The following ZNF595 variants were observed in gnomAD, a reference collection of about 807,000 sequenced individuals.
The protein encoded by ZNF595 is zinc finger protein 595.
ZNF595 carries 9 observed loss-of-function variants against 19.4 expected under a neutral mutation model. That is an observed-to-expected ratio of 0.46 (90% CI 0.28 to 0.81). ZNF595 has a LOEUF of 0.81. Among genes scored for constraint, ZNF595 ranks in the 30% least tolerant of loss-of-function variants. The pLI, the probability that ZNF595 is intolerant of heterozygous loss-of-function variation, is 0.11. For missense variants in ZNF595, 729 were observed against 736.0 expected (o/e 0.99, Z 0.11); for synonymous variants, 255 against 255.9 (o/e 1.00, Z 0.03).
At chr4:75,150 C>T (rs1713595769) in intron 3 of ZNF595, among the ~76,000 whole-genome samples, 1 of 152,066 alleles carries the variant, frequency 6.6e-6, no homozygotes, top group African/African-American at 2.4e-5. Flanking sequence ...GTGTCCTTAA[C>T]TCTAAGTCTC....
At position 86,309 on chromosome 4, in the gene ZNF595, A is replaced by G; in HGVS notation, c.805A>G (p.Thr269Ala). The change falls in exon 4 of 4, where the codon ACA (threonine) becomes GCA (alanine). Residue 269 changes from threonine (T) to alanine (A), a missense_variant. Physicochemically the swap from Thr to Ala is moderately conservative, Grantham distance 58 (BLOSUM62 0). Around this residue, in one of 2 missense-constraint regions of ZNF595, gnomAD observed 729 missense variants for 675.3 expected, o/e 1.08. Transcript: ENST00000610261. The stretch of plus-strand genomic sequence containing the variant: ...ATGTGGCAAAGCCTTTACAAGGTCC[A>G]CAACACTGAATGAACACAAGAAAAT... ...EECGKAFTRS[T>A]TLNEHKKIHT... 2.5e-6 allele frequency: 4 copies of G among 1,612,632 alleles called. No individual in the cohort carries two copies. Among genetic ancestry groups the G allele is most frequent in the Non-Finnish European group, 3.4e-6 (4 of 1,179,556 alleles).
intron 3 of ZNF595, among the ~76,000 whole-genome samples, chr4:69,577 A>G (rs868990218): frequency 6.6e-6 from 1 of 152,162 alleles, no homozygotes; most frequent in Non-Finnish European, 1.5e-5. Flanking sequence ...TTGCACATTC[A>G]TAATCAGATT....
In ZNF595 at chr4:86,300, A is replaced by G; in HGVS notation, c.796A>G (p.Thr266Ala). 1 of 1,611,722 alleles carries G rather than the reference A, an allele frequency of 6.2e-7. No individual in the cohort carries two copies. The highest frequency in any genetic ancestry group is 1.1e-5 in the South Asian group (1 of 91,006). ...ATGTGAAGAATGTGGCAAAGCCTTT[A>G]CAAGGTCCACAACACTGAATGAACA... ...YKCEECGKAFTRSTTLNEHKK... is the reference protein window; with the variant it reads ...YKCEECGKAFARSTTLNEHKK... The change falls in exon 4 of 4, where the codon ACA becomes GCA. Residue 266 changes from threonine (T) to alanine (A), a missense_variant. Transcript: ENST00000610261.
chr4:82,886 T>G (rs914450274), intron 3 of ZNF595, among the ~76,000 whole-genome samples: 1 of 152,200 alleles, frequency 6.6e-6, no homozygotes, highest in African/African-American at 2.4e-5. Context: ...TTAGACATAA[T>G]TGTTTTATAC....
At chr4:85,605 T>C (rs1448664592) in intron 3 of ZNF595, 126 bp from the exon 4 acceptor site, 3 of 1,140,018 alleles carry the variant, frequency 2.6e-6, no homozygotes, top group African/African-American at 3.1e-5. Flanking sequence ...GAAGAAATTA[T>C]GGCCTGTGAT....
chr4:74,895 G>A lies in ZNF595; in HGVS notation c.227-10836G>A, dbSNP rs578193834. ...TTTCCCTTTAGCTTAGTGATTTGGA[G>A]GCCCCAAAATTTATTTTCCTTTTAC... On this transcript the variant is annotated intron_variant, in intron 3 of 3. Transcript: ENST00000610261. 7.2e-5 allele frequency among the ~76,000 whole-genome samples: 11 copies of A among 152,184 alleles called. No individual in the cohort carries two copies. In the South Asian group the frequency reaches 2.1e-3, roughly 29 times the overall value.
intron 1 of ZNF595, among the ~76,000 whole-genome samples, chr4:57,399 C>G (rs1712664417): frequency 6.6e-6 from 1 of 152,308 alleles, no homozygotes; most frequent in Non-Finnish European, 1.5e-5. Flanking sequence ...GCAGCTCCAT[C>G]AGGGCAGTTC....
At chr4:83,388 G>T (rs535839735) in intron 3 of ZNF595, among the ~76,000 whole-genome samples, 50 of 152,124 alleles carry the variant, frequency 3.3e-4, no homozygotes, top group African/African-American at 1.2e-3. Flanking sequence ...GGAAGGCCGA[G>T]GTGGGTGGTC....
chr4:87,131 A>C lies in ZNF595; in HGVS notation c.1627A>C (p.Lys543Gln). The C allele has an allele frequency of 2.5e-6, 4 of 1,614,136 alleles. No homozygotes were observed. Among genetic ancestry groups the C allele is most frequent in the Non-Finnish European group, 3.4e-6 (4 of 1,179,964 alleles). ...ACTTTACAAATGTGAAGAATGTGGC[A>C]AAGCCTTTACTCGGTCCACAGCCCT... ...QKLYKCEECG[K>Q]AFTRSTALNE... Residue 543 changes from lysine to glutamine, a missense_variant, in exon 4 of 4, where the codon AAA becomes CAA. By Grantham distance (53) the Lys-to-Gln change is moderately conservative. Transcript: ENST00000610261.
intron 3 of ZNF595, among the ~76,000 whole-genome samples, chr4:84,716 C>T (rs1164960626): frequency 2.0e-5 from 3 of 152,054 alleles, no homozygotes; most frequent in African/African-American, 7.2e-5. Context: ...TTTTTACATC[C>T]TTATTTTACT....
intron 3 of ZNF595, among the ~76,000 whole-genome samples, chr4:81,053 A>G (rs1033521223): frequency 1.3e-5 from 2 of 151,300 alleles, no homozygotes; most frequent in South Asian, 2.1e-4. Flanking sequence ...TCATTGTTCA[A>G]CTCCCACTTA....
intron 3 of ZNF595, among the ~76,000 whole-genome samples, chr4:73,950 G>A (rs1242122205): frequency 6.6e-6 from 1 of 152,020 alleles, no homozygotes; most frequent in Non-Finnish European, 1.5e-5. Context: ...TTGAGTTGTT[G>A]GACACCCAGT....
intron 3 of ZNF595, among the ~76,000 whole-genome samples, chr4:69,183 C>T (rs1713328250): frequency 6.6e-6 from 1 of 152,212 alleles, no homozygotes; most frequent in Non-Finnish European, 1.5e-5. Flanking sequence ...GCTTCTAAAT[C>T]TTGGCTAATG....
At chr4:72,846 G>C (rs1373630305) in intron 3 of ZNF595, among the ~76,000 whole-genome samples, 1 of 152,144 alleles carries the variant, frequency 6.6e-6, no homozygotes, top group Non-Finnish European at 1.5e-5. Context: ...CCCATTAACT[G>C]CAGGGTAAGG....
intron 3 of ZNF595, among the ~76,000 whole-genome samples, chr4:78,244 G>A (rs572720895): frequency 5.3e-5 from 8 of 152,228 alleles, no homozygotes; most frequent in African/African-American, 1.4e-4. Flanking sequence ...TCCTGACCTC[G>A]TGATCCACCC....
intron 3 of ZNF595, among the ~76,000 whole-genome samples, chr4:84,515 A>C (rs910767624): frequency 3.9e-5 from 6 of 152,132 alleles, no homozygotes; most frequent in African/African-American, 1.4e-4. Flanking sequence ...CAGCATTTTA[A>C]CTATATCACA....
intron 3 of ZNF595, among the ~76,000 whole-genome samples, chr4:77,783 A>G (rs1418456600): frequency 6.6e-6 from 1 of 152,160 alleles, no homozygotes; most frequent in African/African-American, 2.4e-5. Flanking sequence ...AAAAAAATCC[A>G]ATTATATATG....
In ZNF595 at chr4:86,570, A is replaced by T; in HGVS notation, c.1066A>T (p.Ile356Phe). ...AGCTTTTAACCAATCCTCAAGTCTT[A>T]TTATACACAGGAGCATTCATTCTGA... ...GKAFNQSSSL[I>F]IHRSIHSEQK... Residue 356 changes from isoleucine to phenylalanine, a missense_variant, in exon 4 of 4, where the codon ATT becomes TTT. Around this residue, in one of 2 missense-constraint regions of ZNF595, gnomAD observed 729 missense variants for 675.3 expected, o/e 1.08. Transcript: ENST00000610261. The T allele has an allele frequency of 6.2e-7, 1 of 1,613,786 alleles. No individual in the cohort carries two copies. Among genetic ancestry groups the T allele is most frequent in the Non-Finnish European group, 8.5e-7 (1 of 1,179,842 alleles).
chr4:86,501 ATTCATACTGGCGAAAAACCC>A lies in ZNF595; in HGVS notation c.999_1018del (p.Thr335MetfsTer2). On this transcript the variant is annotated frameshift_variant, in exon 4 of 4. Transcript: ENST00000610261. LOFTEE classifies it high-confidence loss of function. Reference sequence around the variant, plus strand: ...CAGGAGCCTGAATGAACATAAAAATATTCATACTGGCGAAAAACCCTACACATGTGAAAAATGTGGCAAAG... The same window carrying A: ...CAGGAGCCTGAATGAACATAAAAATATACACATGTGAAAAATGTGGCAAAG... The A allele has an allele frequency of 6.2e-7, 1 of 1,614,086 alleles. No homozygotes were observed. The highest frequency in any genetic ancestry group is 8.5e-7 in the Non-Finnish European group (1 of 1,179,964).
Sources: gnomAD v4.1 joint callset for allele counts (sites outside exome capture counted in the v4.1 genomes callset) on GRCh38, gnomAD v4.1.1 for gene constraint, gnomAD v4.1.1 regional missense constraint, MANE v1.5 for transcripts, NCBI Gene and HGNC (gene_info 2026-07-23, HGNC 2026-07-21) for gene names.